The following WDPCP variants were observed in gnomAD, a reference collection of about 807,000 sequenced individuals.
The protein encoded by WDPCP is WD repeat-containing and planar cell polarity effector protein fritz homolog.
In WDPCP, 71 loss-of-function variants were observed where a neutral mutation model predicts 93.1. The observed-to-expected ratio is 0.76, with a 90% CI of 0.63 to 0.93. The LOEUF (loss-of-function observed/expected upper bound fraction) is 0.93, where lower values mean the gene tolerates loss of function less well. Ranked by LOEUF, WDPCP falls within the 40% of genes least tolerant of loss-of-function variation. The pLI is 0.00. For missense variants in WDPCP, 844 were observed against 887.4 expected (o/e 0.95, Z 0.62); for synonymous variants, 315 against 315.0 (o/e 1.00, Z 0.00).
chr2:63,285,679 A>G (rs1463137013), intron 13 of WDPCP, among the ~76,000 whole-genome samples: 2 of 152,216 alleles, frequency 1.3e-5, no homozygotes, highest in African/African-American at 4.8e-5. Context: ...CCATTTCATG[A>G]AAAAGGTCAA....
chr2:63,781,166 A>C (rs1670386412), intron 2 of WDPCP, among the ~76,000 whole-genome samples: 1 of 152,154 alleles, frequency 6.6e-6, no homozygotes, highest in Admixed American at 6.5e-5. Flanking sequence ...GGGCACCATA[A>C]GATCTTGCTG....
intron 2 of WDPCP, among the ~76,000 whole-genome samples, chr2:63,661,250 G>A (rs907244474): frequency 1.3e-5 from 2 of 152,160 alleles, no homozygotes; most frequent in Non-Finnish European, 2.9e-5. Context: ...CTCAACTAGG[G>A]AGGATTTACT....
intron 3 of WDPCP, chr2:63,595,501 G>A: frequency 6.2e-7 from 1 of 1,610,118 alleles, no homozygotes. Flanking sequence ...GCAAGACTGT[G>A]CCCTTCCCCT....
chr2:63,747,198 A>G (rs1041913101), intron 2 of WDPCP, among the ~76,000 whole-genome samples: 11 of 152,176 alleles, frequency 7.2e-5, no homozygotes, highest in Non-Finnish European at 1.6e-4. Context: ...TCTTAGTAAC[A>G]TATGCTACAA....
intron 1 of WDPCP, among the ~76,000 whole-genome samples, chr2:63,555,835 A>G (rs1706074604): frequency 6.6e-6 from 1 of 152,176 alleles, no homozygotes; most frequent in Admixed American, 6.5e-5. Flanking sequence ...AAGTCCCCAA[A>G]AAACCCCATG....
intron 13 of WDPCP, among the ~76,000 whole-genome samples, chr2:63,271,608 G>A (rs1025704311): frequency 1.3e-5 from 2 of 152,168 alleles, no homozygotes; most frequent in African/African-American, 2.4e-5. Context: ...GAGGGGGCTT[G>A]AAAACAGGCC....
chr2:63,404,319 A>G lies in WDPCP; in HGVS notation c.1164T>C (p.Ser388=). ...LLPSLISCHP[S]GAILLVGSNQ... ...TGCTGCCAACTAGCAGAATGGCACC[A>G]CTTGGGTGGCAGCTTATTAATGAAG... The change falls in exon 10 of 18, where the codon AGT becomes AGC. Residue 388 remains serine (S), a synonymous_variant. Coordinates refer to ENST00000272321, the MANE Select transcript of WDPCP (RefSeq NM_015910.7). 1 of 1,614,144 alleles carries G rather than the reference A, an allele frequency of 6.2e-7. No homozygotes were observed. Among genetic ancestry groups the G allele is most frequent in the Non-Finnish European group, 8.5e-7 (1 of 1,180,012 alleles).
chr2:63,618,959 G>A (rs1181254379), intron 3 of WDPCP, among the ~76,000 whole-genome samples: 1 of 152,170 alleles, frequency 6.6e-6, no homozygotes, highest in East Asian at 1.9e-4. Flanking sequence ...AAAGTGCTGG[G>A]ATTACAGGCA....
At chr2:63,259,432 A>AAGAT (rs147625999) in intron 13 of WDPCP, 23 bp from the exon 14 acceptor site, 275 of 1,581,048 alleles carry the variant, frequency 1.7e-4, no homozygotes, top group Admixed American at 2.3e-4. Flanking sequence ...AGCAAAATAA[A>AAGAT]AGATTGATTC....
At chr2:63,394,692 G>A (rs958659649) in intron 10 of WDPCP, among the ~76,000 whole-genome samples, 1 of 152,074 alleles carries the variant, frequency 6.6e-6, no homozygotes, top group African/African-American at 2.4e-5. Context: ...ATACACCATG[G>A]AATACTACAT....
Position 63,707,446 on chromosome 2 carries a change from C to T in WDPCP, n.309-56608G>A, listed in dbSNP as rs1000679052. Reference sequence around the variant, plus strand: ...GTTACTGAGGCTTGTGCATTCGTCACGTAGATCTCGTGCCATGGTTTTCAG... The same window carrying T: ...GTTACTGAGGCTTGTGCATTCGTCATGTAGATCTCGTGCCATGGTTTTCAG... On this transcript the variant is annotated intron_variant and non_coding_transcript_variant, in intron 2 of 4. Coordinates refer to the WDPCP transcript ENST00000467687. Among the ~76,000 whole-genome samples, 57 of 152,306 alleles carry T rather than the reference C, an allele frequency of 3.7e-4. 1 individual carries two copies. Among genetic ancestry groups the T allele is most frequent in the African/African-American group, 1.2e-3 (49 of 41,560 alleles).
At chr2:63,513,739 C>T (rs994335026) in intron 1 of WDPCP, among the ~76,000 whole-genome samples, 21 of 152,142 alleles carry the variant, frequency 1.4e-4, no homozygotes, top group Non-Finnish European at 2.5e-4. Context: ...ACAGACAAGC[C>T]TTGCTGGGTT....
the WDPCP span, among the ~76,000 whole-genome samples, chr2:63,840,098 T>C: frequency 1.0e-4 from 16 of 152,382 alleles, no homozygotes; most frequent in Admixed American, 7.8e-4. Flanking sequence ...ACCGTACTTG[T>C]TTATTGAAGG....
At chr2:63,687,075 C>T (rs1668815277) in intron 2 of WDPCP, among the ~76,000 whole-genome samples, 1 of 151,142 alleles carries the variant, frequency 6.6e-6, no homozygotes, top group Admixed American at 6.6e-5. Context: ...AGCTGATGAG[C>T]TAAAAAAAAT....
chr2:63,291,902 G>A (rs1184408112), intron 13 of WDPCP, among the ~76,000 whole-genome samples: 1 of 151,868 alleles, frequency 6.6e-6, no homozygotes, highest in Non-Finnish European at 1.5e-5. Flanking sequence ...GGGAGGCCGA[G>A]GAGGGCGGAT....
intron 14 of WDPCP, among the ~76,000 whole-genome samples, chr2:63,253,979 C>G (rs1680938247): frequency 6.6e-6 from 1 of 151,986 alleles, no homozygotes; most frequent in Non-Finnish European, 1.5e-5. Flanking sequence ...TGGAATCAAC[C>G]TAGGAACCCA....
chr2:63,163,066 G>C (rs572389179), intron 15 of WDPCP, among the ~76,000 whole-genome samples: 4 of 152,206 alleles, frequency 2.6e-5, no homozygotes, highest in Admixed American at 6.5e-5. Flanking sequence ...AGCTTTTCTT[G>C]AGACATATTA....
At chr2:63,684,708 G>A (rs752064891) in intron 2 of WDPCP, 69 of 644,064 alleles carry the variant, frequency 1.1e-4, no homozygotes, top group Admixed American at 4.0e-4. Context: ...CAGAAGCTGC[G>A]GTTTTAGATG....
chr2:63,495,417 T>C (rs1395191732), intron 1 of WDPCP, among the ~76,000 whole-genome samples: 1 of 152,238 alleles, frequency 6.6e-6, no homozygotes, highest in African/African-American at 2.4e-5. Flanking sequence ...ATTGTCATCT[T>C]ACAGTTAAGT....
Sources: gnomAD v4.1 joint callset for allele counts (sites outside exome capture counted in the v4.1 genomes callset) on GRCh38, gnomAD v4.1.1 for gene constraint, MANE v1.5 for transcripts, NCBI Gene and HGNC (gene_info 2026-07-23, HGNC 2026-07-21) for gene names.